The following NUGGC variants were observed in gnomAD, a reference collection of about 807,000 sequenced individuals.
The protein encoded by NUGGC is nuclear GTPase SLIP-GC.
Under a neutral mutation model 92.6 loss-of-function variants are expected in NUGGC, and 58 were observed. The ratio of observed to expected loss-of-function variants is 0.63; its 90% CI spans 0.51 to 0.78. NUGGC has a LOEUF of 0.78. Ranked by LOEUF, NUGGC falls within the 30% of genes least tolerant of loss-of-function variation. The pLI, the probability that NUGGC is intolerant of heterozygous loss-of-function variation, is 0.00. For synonymous variants in NUGGC, 376 were observed against 366.4 expected (o/e 1.03, Z -0.30); for missense variants, 925 against 964.6 (o/e 0.96, Z 0.54).
At chr8:28,023,596 C>T (rs1195156215) in intron 18 of NUGGC, 134 bp from the exon 19 acceptor site, 10 of 871,576 alleles carry the variant, frequency 1.1e-5, no homozygotes, top group Non-Finnish European at 1.7e-5. Context: ...GATCAGACAT[C>T]AAAGCAGGTG....
chr8:28,076,747 G>A lies in NUGGC; in HGVS notation c.-46-2291C>T, dbSNP rs540751458. Reference sequence around the variant, plus strand: ...TTTGATGTGAGGTAGGGAAGACACAGGTAAAGGCAGAAGATGGGGGCAGGG... The same window carrying A: ...TTTGATGTGAGGTAGGGAAGACACAAGTAAAGGCAGAAGATGGGGGCAGGG... On this transcript the variant is annotated intron_variant, in intron 1 of 18. Transcript: ENST00000413272. Among the ~76,000 whole-genome samples, 3 of 152,316 alleles carry A rather than the reference G, an allele frequency of 2.0e-5. No homozygotes were observed. In the East Asian group the frequency reaches 5.8e-4, roughly 29 times the overall value.
At chr8:28,040,732 C>T (rs796626335) in intron 13 of NUGGC, among the ~76,000 whole-genome samples, 38 of 152,046 alleles carry the variant, frequency 2.5e-4, no homozygotes, top group African/African-American at 8.9e-4. Flanking sequence ...CTGCAATCTC[C>T]GCCTCCCTGG....
chr8:28,046,356 C>A (rs1406212341), intron 11 of NUGGC, among the ~76,000 whole-genome samples: 1 of 152,204 alleles, frequency 6.6e-6, no homozygotes, highest in Non-Finnish European at 1.5e-5. Flanking sequence ...AATGCATGCA[C>A]GTTGCAAGCC....
intron 13 of NUGGC, among the ~76,000 whole-genome samples, chr8:28,035,122 T>G (rs888606821): frequency 1.3e-5 from 2 of 152,126 alleles, no homozygotes; most frequent in African/African-American, 2.4e-5. Flanking sequence ...TGTAGTTGCT[T>G]CTTCTGCTCA....
At chr8:28,058,234 TAA>T (rs769928850) in intron 9 of NUGGC, 22 bp downstream of exon 9, 1 of 438,894 alleles carries the variant, frequency 2.3e-6, no homozygotes, top group East Asian at 6.9e-5. Flanking sequence ...AAAATAAAAA[TAA>T]AAAAAACTAG....
chr8:28,059,704 G>C (rs561289014), intron 8 of NUGGC, among the ~76,000 whole-genome samples: 4 of 152,190 alleles, frequency 2.6e-5, no homozygotes, highest in East Asian at 1.9e-4. Flanking sequence ...AAAAGCTCAG[G>C]AGTACAAAAA....
chr8:28,065,838 C>T (rs1319452304), intron 6 of NUGGC, among the ~76,000 whole-genome samples: 3 of 152,072 alleles, frequency 2.0e-5, no homozygotes. Flanking sequence ...AATGATAAAC[C>T]ACGACGGAGG....
At chr8:28,047,126 A>G (rs1170833769) in intron 11 of NUGGC, among the ~76,000 whole-genome samples, 2 of 151,948 alleles carry the variant, frequency 1.3e-5, no homozygotes, top group African/African-American at 4.8e-5. Context: ...ATGCACCACC[A>G]CGCCTGGCAA....
intron 1 of NUGGC, among the ~76,000 whole-genome samples, chr8:28,075,713 AT>A (rs1236443588): frequency 2.0e-5 from 3 of 152,180 alleles, no homozygotes; most frequent in Non-Finnish European, 2.9e-5. Context: ...TAAAATCACC[AT>A]TCATCAGTTA....
intron 17 of NUGGC, 80 bp downstream of exon 17, chr8:28,029,185 GC>G: frequency 4.1e-6 from 6 of 1,452,068 alleles, no homozygotes; most frequent in Non-Finnish European, 5.6e-6. Context: ...TGCCTACTAT[GC>G]CTTCCACCTT....
intron 9 of NUGGC, 72 bp from the exon 10 acceptor site, chr8:28,056,126 A>G: frequency 1.2e-6 from 1 of 826,880 alleles, no homozygotes; most frequent in African/African-American, 1.7e-5. Flanking sequence ...CAAGATGCAC[A>G]TTTTTTTGGC....
chr8:28,074,420 C>T lies in NUGGC; in HGVS notation c.-10G>A, dbSNP rs758531764. On this transcript the variant is annotated 5_prime_UTR_variant, in exon 2 of 19. Transcript: ENST00000413272. ...CCTTCGTTTCTGCCATTCCTTGTTACGTGAACTCCTGCTCTTCTCAGTTCA... is the reference window on the plus strand; with the variant it reads ...CCTTCGTTTCTGCCATTCCTTGTTATGTGAACTCCTGCTCTTCTCAGTTCA... 30 of 1,613,452 alleles carry T rather than the reference C, an allele frequency of 1.9e-5. No homozygotes were observed. Among genetic ancestry groups the T allele is most frequent in the Middle Eastern group, 3.3e-4 (2 of 6,082 alleles).
chr8:28,061,280 C>G (rs1563226867), intron 7 of NUGGC, among the ~76,000 whole-genome samples: 1 of 152,194 alleles, frequency 6.6e-6, no homozygotes, highest in Non-Finnish European at 1.5e-5. Flanking sequence ...TGACAAGTTG[C>G]AAAGGCCAAT....
intron 1 of NUGGC, 108 bp from the exon 2 acceptor site, chr8:28,074,564 A>T (rs1433654741): frequency 2.9e-6 from 2 of 700,682 alleles, no homozygotes; most frequent in Admixed American, 4.2e-5. Context: ...GCCCATTCCA[A>T]CGTATCTCTG....
At chr8:28,074,887 C>T (rs1399385968) in intron 1 of NUGGC, among the ~76,000 whole-genome samples, 1 of 151,932 alleles carries the variant, frequency 6.6e-6, no homozygotes, top group Non-Finnish European at 1.5e-5. Flanking sequence ...TGTAGTGAGC[C>T]GAGATGGAAC....
intron 10 of NUGGC, among the ~76,000 whole-genome samples, chr8:28,053,336 C>T (rs113303421): frequency 1.4e-3 from 208 of 152,122 alleles, no homozygotes; most frequent in Non-Finnish European, 2.2e-3. Context: ...ACCGGTATAC[C>T]GGTAGTCCTA....
intron 9 of NUGGC, among the ~76,000 whole-genome samples, chr8:28,057,772 G>C (rs569808832): frequency 6.6e-6 from 1 of 152,296 alleles, no homozygotes; most frequent in East Asian, 1.9e-4. Context: ...GTGGCTATTA[G>C]TAGTTAAGTT....
At chr8:28,076,592 T>C (rs917346888) in intron 1 of NUGGC, among the ~76,000 whole-genome samples, 3 of 152,222 alleles carry the variant, frequency 2.0e-5, no homozygotes, top group Non-Finnish European at 4.4e-5. Context: ...CCACCATGCC[T>C]GGCCCTGAAT....
intron 6 of NUGGC, 44 bp downstream of exon 6, chr8:28,067,470 T>G: frequency 2.5e-5 from 32 of 1,292,284 alleles, no homozygotes; most frequent in Non-Finnish European, 3.2e-5. Flanking sequence ...CTGTTAGACT[T>G]GAGACCCAGG....
Sources: allele counts gnomAD v4.1 joint callset (sites outside exome capture counted in the v4.1 genomes callset), GRCh38; gene constraint gnomAD v4.1.1; transcripts MANE v1.5; gene names NCBI Gene and HGNC (gene_info 2026-07-23, HGNC 2026-07-21).